Variants in B4GALNT2 observed in about 807,000 individuals in gnomAD.
The protein encoded by B4GALNT2 is beta-1,4-N-acetyl-galactosaminyltransferase 2 (SID blood group).
B4GALNT2 carries 42 observed loss-of-function variants against 51.1 expected under a neutral mutation model. The ratio of observed to expected loss-of-function variants is 0.82; its 90% confidence interval spans 0.64 to 1.06. B4GALNT2 has a LOEUF of 1.06. Ranked by LOEUF, B4GALNT2 falls within the 50% of genes least tolerant of loss-of-function variation. The pLI, the probability that B4GALNT2 is intolerant of heterozygous loss-of-function variation, is 0.00. For missense variants in B4GALNT2, 602 were observed against 633.6 expected, an observed-to-expected ratio of 0.95 and a Z score of 0.54; for synonymous variants, 253 against 251.7, an observed-to-expected ratio of 1.01 and a Z score of -0.05.
chr17:49,129,618 A>ATTATT (rs71369272), upstream of B4GALNT2, among the ~76,000 whole-genome samples: 1 of 151,540 alleles, frequency 6.6e-6, no homozygotes, highest in Admixed American at 6.6e-5. Context: ...CTTCTGGCCG[A>ATTATT]TTTTTTGGTC....
rs553732979 is a variant in B4GALNT2, at chr17:49,161,851, C to T, written c.766+1210C>T. 2.9e-4 allele frequency among the ~76,000 whole-genome samples: 43 copies of T among 150,562 alleles called. 1 individual carries two copies. Among genetic ancestry groups the T allele is most frequent in the East Asian group, 3.9e-4 (2 of 5,130 alleles). On this transcript the variant is annotated intron_variant, in intron 7 of 10. Transcript: ENST00000393354. ...CAGCCTGAGCAACAGGGCAAGACTCCGTCTCAAAAACAAAAAAACAAAAAA... is the reference window on the plus strand; with the variant it reads ...CAGCCTGAGCAACAGGGCAAGACTCTGTCTCAAAAACAAAAAAACAAAAAA...
rs2042981281 is a variant in B4GALNT2, at chr17:49,175,424, A to G, written c.*5696A>G. On this transcript the variant is annotated 3_prime_UTR_variant, in exon 11 of 11. Transcript: ENST00000393354. Reference sequence around the variant, plus strand: ...TAAATATAACAATTTGAATTTCCCCATTGTAATCTGAATCAATGACTCCTG... The same window carrying G: ...TAAATATAACAATTTGAATTTCCCCGTTGTAATCTGAATCAATGACTCCTG... The G allele has an allele frequency of 6.6e-6, 1 of 152,106 alleles. No individual in the cohort carries two copies. The highest frequency in any genetic ancestry group is 1.5e-5 in the Non-Finnish European group (1 of 68,020). 9.4% of individuals were successfully genotyped at this position (152,106 alleles called of 1,614,324 possible).
chr17:49,152,246 G>C (rs969120437), intron 3 of B4GALNT2, among the ~76,000 whole-genome samples: 1 of 152,078 alleles, frequency 6.6e-6, no homozygotes, highest in Admixed American at 6.6e-5. Flanking sequence ...GGGCTTGGTG[G>C]CATGTACCTG....
intron 9 of B4GALNT2, among the ~76,000 whole-genome samples, chr17:49,168,040 G>A (rs993578768): frequency 5.3e-5 from 8 of 152,156 alleles, no homozygotes; most frequent in African/African-American, 9.7e-5. Flanking sequence ...TGACTATGTC[G>A]TGAAACTCAG....
intron 8 of B4GALNT2, among the ~76,000 whole-genome samples, chr17:49,164,960 C>T (rs1235719440): frequency 6.6e-6 from 1 of 151,990 alleles, no homozygotes; most frequent in Non-Finnish European, 1.5e-5. Flanking sequence ...TACAGGCATG[C>T]ACCATAATGC....
Position 49,174,232 on chromosome 17 carries a change from A to ATATTTCTCG in B4GALNT2, c.*4504_*4505insTATTTCTCG, listed in dbSNP as rs1262727650. ...TATTTCTCGAGTGGGGGGCAGCACA[A>ATATTTCTCG]AGTATATCGTCCATATAATGAATAA... On this transcript the variant is annotated 3_prime_UTR_variant, in exon 11 of 11. Coordinates refer to ENST00000393354, the MANE Select transcript of B4GALNT2 (RefSeq NM_001159387.2). 7.2e-5 allele frequency: 11 copies of ATATTTCTCG among 152,202 alleles called. No homozygotes were observed. Among genetic ancestry groups the ATATTTCTCG allele is most frequent in the Non-Finnish European group, 1.5e-5 (1 of 68,042 alleles). 9.4% of individuals were successfully genotyped at this position (152,202 alleles called of 1,614,324 possible). A position where few individuals can be genotyped will look rare whatever the true frequency, so the allele number is the denominator to read the frequency against.
intron 6 of B4GALNT2, 150 bp from the exon 7 acceptor site, chr17:49,160,405 G>A (rs1236689303): frequency 5.4e-6 from 4 of 747,476 alleles, no homozygotes; most frequent in Non-Finnish European, 9.6e-6. Flanking sequence ...AAGCCTGAAT[G>A]CCAGAGACTC....
chr17:49,142,206 G>T lies in B4GALNT2; in HGVS notation c.353+34G>T, dbSNP rs752935494. The T allele has an allele frequency of 2.5e-6, 4 of 1,612,764 alleles. No homozygotes were observed. The South Asian group carries it at 4.4e-5, about 18-fold the overall frequency. On this transcript the variant is annotated intron_variant, in intron 3 of 10. Transcript: ENST00000393354. ...GGTCATGAAGGCCCTTGGGTTCTGAGATGGAACAAAAGCCCTCCCTATGTC... is the reference window on the plus strand; with the variant it reads ...GGTCATGAAGGCCCTTGGGTTCTGATATGGAACAAAAGCCCTCCCTATGTC...
chr17:49,150,209 C>T (rs1248643991), intron 3 of B4GALNT2, among the ~76,000 whole-genome samples: 2 of 134,668 alleles, frequency 1.5e-5, no homozygotes, highest in Non-Finnish European at 3.2e-5. Context: ...GGGGGGTCAG[C>T]CCCCCGCCCG....
the B4GALNT2 span, among the ~76,000 whole-genome samples, chr17:49,125,523 G>A: frequency 6.6e-6 from 1 of 152,102 alleles, no homozygotes; most frequent in African/African-American, 2.4e-5. Flanking sequence ...GTGCAGATAA[G>A]GTCTGACTTA....
At chr17:49,152,603 G>A (rs534902012) in intron 3 of B4GALNT2, among the ~76,000 whole-genome samples, 197 bp from the exon 4 acceptor site, 1 of 152,342 alleles carries the variant, frequency 6.6e-6, no homozygotes, top group African/African-American at 2.4e-5. Context: ...TTGAGCCCGG[G>A]AGGCGGAGCT....
chr17:49,151,010 A>G (rs2042749296), intron 3 of B4GALNT2, among the ~76,000 whole-genome samples: 1 of 152,138 alleles, frequency 6.6e-6, no homozygotes. Context: ...TTTCAAGGTA[A>G]TTAAATGATC....
chr17:49,136,827 G>A lies in B4GALNT2; in HGVS notation c.14+4021G>A, dbSNP rs577193164. 8.5e-5 allele frequency among the ~76,000 whole-genome samples: 13 copies of A among 152,172 alleles called. No homozygotes were observed. In the South Asian group the frequency reaches 2.1e-3, roughly 24 times the overall value. ...CTCCCAAAGTGCTGGGATTACAGGC[G>A]TGAACCACCGGGCCCAGCCTCACAT... On this transcript the variant is annotated intron_variant, in intron 1 of 10. Coordinates refer to ENST00000393354, the MANE Select transcript of B4GALNT2 (RefSeq NM_001159387.2).
chr17:49,169,576 A>G lies in B4GALNT2; in HGVS notation c.1369A>G (p.Ile457Val). Residue 457 changes from isoleucine to valine, a missense_variant, in exon 11 of 11, where the codon ATT becomes GTT. Transcript: ENST00000393354. ...ACTCGTGGGGTCATGCCCAGAAGTG[A>G]TTATAGGTCACCAGTCTCGGTCTCC... ...TLLVGSCPEV[I>V]IGHQSRSPVV... The G allele has an allele frequency of 4.3e-6, 7 of 1,612,936 alleles. No individual in the cohort carries two copies. The highest frequency in any genetic ancestry group is 1.1e-5 in the South Asian group (1 of 91,012).
intron 4 of B4GALNT2, among the ~76,000 whole-genome samples, chr17:49,153,175 G>A (rs913805718): frequency 4.6e-5 from 7 of 152,212 alleles, no homozygotes; most frequent in Non-Finnish European, 7.4e-5. Context: ...AGCACTTTGG[G>A]AGGCTGAGGT....
chr17:49,155,844 T>C (rs962125290), intron 4 of B4GALNT2, among the ~76,000 whole-genome samples: 13 of 151,576 alleles, frequency 8.6e-5, no homozygotes, highest in Non-Finnish European at 1.8e-4. Context: ...CCGCTCAGCC[T>C]CCTGAGTAGC....
At chr17:49,126,506 A>C in the B4GALNT2 span, among the ~76,000 whole-genome samples, 2 of 150,920 alleles carry the variant, frequency 1.3e-5, no homozygotes, top group Admixed American at 6.6e-5. Flanking sequence ...TAAAAAAAAA[A>C]AAAAAACAAA....
chr17:49,156,533 G>A (rs955881666), intron 4 of B4GALNT2, 33 bp from the exon 5 acceptor site: 3 of 1,612,834 alleles, frequency 1.9e-6, no homozygotes, highest in East Asian at 2.2e-5. Flanking sequence ...TCTTTCATGA[G>A]CAGTTTTCTT....
chr17:49,164,205 C>CT lies in B4GALNT2; in HGVS notation c.885dup (p.Asp296Ter), dbSNP rs1183098157. ...TACCCAGACTTGACCGTAATAGTGG[C>CT]TGATGACAGCCAGAAGCCCCTGGAA... On this transcript the variant is annotated frameshift_variant, in exon 8 of 11. Transcript: ENST00000393354. LOFTEE classifies it high-confidence loss of function. The CT allele has an allele frequency of 3.1e-6, 5 of 1,613,728 alleles. No homozygotes were observed. The highest frequency in any genetic ancestry group is 4.2e-6 in the Non-Finnish European group (5 of 1,179,614).
Sources: allele counts gnomAD v4.1 joint callset (sites outside exome capture counted in the v4.1 genomes callset), GRCh38; gene constraint gnomAD v4.1.1; transcripts MANE v1.5; gene names NCBI Gene and HGNC (gene_info 2026-07-23, HGNC 2026-07-21).